SSBP4: variants seen among roughly 807,000 people sequenced by gnomAD.
SSBP4 encodes single stranded DNA binding protein 4, also known as single-stranded DNA-binding protein 4.
Under a neutral mutation model 64.6 loss-of-function variants are expected in SSBP4, and 33 were observed. That is an observed-to-expected ratio of 0.51 (90% CI 0.39 to 0.68). SSBP4 has a LOEUF of 0.68. SSBP4 is among the 30% of genes least tolerant of loss of function. The probability of loss-of-function intolerance (pLI) is 0.00; values close to 1 mark genes in which losing one functional copy is unlikely to be tolerated. For missense variants in SSBP4, 583 were observed against 566.8 expected, an observed-to-expected ratio of 1.03 and a Z score of -0.29; for synonymous variants, 243 against 224.0, an observed-to-expected ratio of 1.08 and a Z score of -0.76.
chr19:18,419,335 G>C (rs1972255372), upstream of SSBP4: 1 of 1,013,402 alleles, frequency 9.9e-7, no homozygotes. Context: ...TTTAAGAGCT[G>C]CGCCCGCGGG....
At chr19:18,432,790 G>T in intron 12 of SSBP4, 39 bp from the exon 13 acceptor site, 1 of 1,613,612 alleles carries the variant, frequency 6.2e-7, no homozygotes, top group South Asian at 1.1e-5. Context: ...GATGGCAGAT[G>T]AGGGGCCATT....
upstream of SSBP4, chr19:18,418,912 G>A (rs1178664826): frequency 3.2e-6 from 3 of 950,414 alleles, no homozygotes; most frequent in Non-Finnish European, 2.5e-6. The surrounding 1 kb of genome is among the most constrained non-coding windows in gnomAD (Gnocchi z 6.7). Flanking sequence ...TGAGCTGGGT[G>A]TGTGGCAGTG....
rs572487965 is a variant in SSBP4 at position 18,429,389 on chromosome 19, C to T, written c.279+1407C>T. On this transcript the variant is annotated intron_variant, in intron 4 of 17. Transcript: ENST00000270061. ...GATGATTGACGTAGGGGGTCTGGCC[C>T]GGGCCAACCGCCGGGGAGGGCGCGC... 2.7e-3 allele frequency among the ~76,000 whole-genome samples: 408 copies of T among 148,876 alleles called. 5 individuals carry two copies. Among genetic ancestry groups the T allele is most frequent in the Non-Finnish European group, 1.6e-3 (106 of 67,068 alleles).
intron 15 of SSBP4, 43 bp from the exon 16 acceptor site, chr19:18,433,542 C>G (rs752288405): frequency 4.5e-6 from 7 of 1,546,120 alleles, no homozygotes; most frequent in Non-Finnish European, 6.1e-6. Context: ...GGGCATGGCG[C>G]CAGCACGTCT....
rs941027953 is a variant in SSBP4, at chr19:18,423,305, G to T, written c.59+3598G>T. Among the ~76,000 whole-genome samples the T allele has an allele frequency of 2.0e-5, 3 of 152,226 alleles. No individual in the cohort carries two copies. The highest frequency in any genetic ancestry group is 2.9e-5 in the Non-Finnish European group (2 of 68,052). On this transcript the variant is annotated intron_variant, in intron 1 of 17. Transcript: ENST00000270061. The surrounding 1 kb of genome is among the most constrained non-coding windows in gnomAD (Gnocchi z 4.0). ...TCATCAGCCTGGCAGGTAAGCCAGG[G>T]ATGGGATTCACGATTGGACGTGGTC...
the SSBP4 span, among the ~76,000 whole-genome samples, chr19:18,405,710 A>G: frequency 6.8e-6 from 1 of 147,422 alleles, no homozygotes; most frequent in East Asian, 2.1e-4. Flanking sequence ...GGGTTGGCCA[A>G]GTGCAGTGGC....
upstream of SSBP4, among the ~76,000 whole-genome samples, chr19:18,414,417 G>A (rs1391929357): frequency 6.6e-6 from 1 of 152,116 alleles, no homozygotes; most frequent in Admixed American, 6.5e-5. Context: ...ACTTAAACCC[G>A]GAGGTTGAGG....
chr19:18,428,888 C>T (rs1031005677), intron 4 of SSBP4, among the ~76,000 whole-genome samples: 12 of 152,326 alleles, frequency 7.9e-5, no homozygotes, highest in Middle Eastern at 6.8e-3. Context: ...CCCGCTAGAT[C>T]TGGGGCCCCG....
At chr19:18,429,474 G>GC (rs1000777689) in intron 4 of SSBP4, among the ~76,000 whole-genome samples, 6 of 151,960 alleles carry the variant, frequency 3.9e-5, no homozygotes, top group Non-Finnish European at 8.8e-5. Flanking sequence ...AGGGGGCGGG[G>GC]GGGGGGTGCG....
chr19:18,421,267 G>C (rs1441478474), intron 1 of SSBP4, among the ~76,000 whole-genome samples: 2 of 152,250 alleles, frequency 1.3e-5, no homozygotes, highest in East Asian at 3.8e-4. Flanking sequence ...TTGCCTGTGT[G>C]CAGTTAGGAA....
chr19:18,413,034 C>T, the SSBP4 span, among the ~76,000 whole-genome samples: 4 of 151,988 alleles, frequency 2.6e-5, no homozygotes, highest in African/African-American at 9.7e-5. Flanking sequence ...ACAGACATGA[C>T]ACATGTGGAT....
At position 18,431,346 on chromosome 19, in the gene SSBP4, C is replaced by T; in HGVS notation, c.370-7C>T. 1.3e-6 allele frequency: 1 copy of T among 781,868 alleles called. No homozygotes were observed. The highest frequency in any genetic ancestry group is 3.0e-4 in the Middle Eastern group (1 of 3,364). The allele number at this position is 781,868 out of a possible 1,614,324, so 48.4% of individuals were successfully genotyped here. A position where few individuals can be genotyped will look rare whatever the true frequency, so the allele number is the denominator to read the frequency against. ...TCCCCCCCACCCACCTGGTTCTGTC[C>T]TCCTAGGGCCCCCCCGGCTCCCAGC... On this transcript the variant is annotated splice_polypyrimidine_tract_variant and splice_region_variant and intron_variant, in intron 5 of 17. Transcript: ENST00000270061.
chr19:18,419,612 A>G lies in SSBP4; in HGVS notation c.-37A>G. The G allele has an allele frequency of 8.0e-7, 1 of 1,253,896 alleles. No individual in the cohort carries two copies. Among genetic ancestry groups the G allele is most frequent in the Non-Finnish European group, 1.0e-6 (1 of 994,040 alleles). The allele number at this position is 1,253,896 out of a possible 1,614,324, so 77.7% of individuals were successfully genotyped here. On this transcript the variant is annotated 5_prime_UTR_variant, in exon 1 of 18. The change abolishes the stop of an existing upstream ORF in the 5' untranslated region. Transcript: ENST00000270061. ...CAAGCGCGGCCCGCGGCGCCGCCTG[A>G]CAGGTGTGGGCCCCGGCGGCGGCGG...
chr19:18,423,790 G>C lies in SSBP4; in HGVS notation c.60-3561G>C, dbSNP rs550378998. ...CTGCTGCTCTTCCGGGTGCCTCCCT[G>C]TTTTCCTTTCTGGCCACCTGCCTGT... On this transcript the variant is annotated intron_variant, in intron 1 of 17. Coordinates refer to ENST00000270061, the MANE Select transcript of SSBP4 (RefSeq NM_032627.5). The surrounding 1 kb of genome is among the most constrained non-coding windows in gnomAD (Gnocchi z 4.0). Among the ~76,000 whole-genome samples, 1 of 152,136 alleles carries C rather than the reference G, an allele frequency of 6.6e-6. No homozygotes were observed. Among genetic ancestry groups the C allele is most frequent in the Non-Finnish European group, 1.5e-5 (1 of 68,020 alleles).
upstream of SSBP4, among the ~76,000 whole-genome samples, chr19:18,416,624 AT>A (rs1781242851): frequency 2.0e-5 from 3 of 151,892 alleles, no homozygotes; most frequent in African/African-American, 7.3e-5. Flanking sequence ...CCCTGCCATC[AT>A]CCCCCTCTTC....
rs1352864953 is a variant in SSBP4 at position 18,419,504 on chromosome 19, C to T, written c.-145C>T. ...CCGCCGCCGCCGCGGCCGTCTGGAG[C>T]TCCCCCGCGCGGACGATGCCTGCCG... On this transcript the variant is annotated 5_prime_UTR_variant, in exon 1 of 18. Coordinates refer to ENST00000270061, the MANE Select transcript of SSBP4 (RefSeq NM_032627.5). 103 of 1,104,492 alleles carry T rather than the reference C, an allele frequency of 9.3e-5. 2 individuals are homozygous for T. In the Admixed American group the frequency reaches 5.0e-3, roughly 54 times the overall value. The allele number at this position is 1,104,492 out of a possible 1,614,324, so 68.4% of individuals were successfully genotyped here. A position where few individuals can be genotyped will look rare whatever the true frequency, so the allele number is the denominator to read the frequency against.
At chr19:18,420,745 G>A (rs1164607077) in intron 1 of SSBP4, among the ~76,000 whole-genome samples, 1 of 151,790 alleles carries the variant, frequency 6.6e-6, no homozygotes, top group South Asian at 2.1e-4. Flanking sequence ...CCAACTACTC[G>A]GGAGGCTGAG....
In SSBP4 at chr19:18,419,568, G is replaced by A; in HGVS notation, c.-81G>A. 1 of 1,192,500 alleles carries A rather than the reference G, an allele frequency of 8.4e-7. No individual in the cohort carries two copies. The highest frequency in any genetic ancestry group is 1.0e-6 in the Non-Finnish European group (1 of 959,684). The allele number at this position is 1,192,500 out of a possible 1,614,324, so 73.9% of individuals were successfully genotyped here. A position where few individuals can be genotyped will look rare whatever the true frequency, so the allele number is the denominator to read the frequency against. ...CTCGGGGCGGTGAGGCCCGGGGCGC[G>A]GGGTAGCTATGGCGACGGCAAGCGC... is the stretch of plus-strand genomic sequence containing the variant. On this transcript the variant is annotated 5_prime_UTR_variant, in exon 1 of 18. Coordinates refer to ENST00000270061, the MANE Select transcript of SSBP4 (RefSeq NM_032627.5).
intron 17 of SSBP4, 90 bp from the exon 18 acceptor site, chr19:18,434,127 G>C: frequency 6.3e-7 from 1 of 1,580,452 alleles, no homozygotes; most frequent in Non-Finnish European, 8.6e-7. Flanking sequence ...ACCCAGCCCT[G>C]CCCTGTCCCC....
Sources: allele counts gnomAD v4.1 joint callset (sites outside exome capture counted in the v4.1 genomes callset), GRCh38; gene constraint gnomAD v4.1.1; non-coding constraint Gnocchi (gnomAD v3.1); transcripts MANE v1.5; gene names NCBI Gene and HGNC (gene_info 2026-07-23, HGNC 2026-07-21).